The following TENM3 variants were observed in gnomAD, a reference collection of about 807,000 sequenced individuals.
The protein encoded by TENM3 is teneurin transmembrane protein 3.
Under a neutral mutation model 255.1 loss-of-function variants are expected in TENM3, and 63 were observed. The ratio of observed to expected loss-of-function variants is 0.25; its 90% CI spans 0.20 to 0.30. TENM3 has a LOEUF of 0.30. TENM3 is among the 10% of genes least tolerant of loss of function. The pLI is 1.00. For synonymous variants in TENM3, 1,306 were observed against 1,322.3 expected (o/e 0.99, Z 0.27); for missense variants, 2,929 against 3,461.1 (o/e 0.85, Z 3.86).
the TENM3 span, among the ~76,000 whole-genome samples, chr4:182,132,391 G>C: frequency 6.6e-6 from 1 of 152,002 alleles, no homozygotes; most frequent in Non-Finnish European, 1.5e-5. Context: ...GGCTGAGGCA[G>C]AGAATTGCTT....
chr4:182,623,815 G>A (rs1042819370), intron 4 of TENM3, among the ~76,000 whole-genome samples: 1 of 152,078 alleles, frequency 6.6e-6, no homozygotes, highest in Non-Finnish European at 1.5e-5. Flanking sequence ...TATTGCGGGG[G>A]TCGCCTTCGT....
rs560529823 is a variant in TENM3, at chr4:182,550,112, A to T, written c.512-50812A>T. On this transcript the variant is annotated intron_variant, in intron 3 of 27. Coordinates refer to ENST00000511685, the MANE Select transcript of TENM3 (RefSeq NM_001080477.4). ...AGTTACATTTTAAACATTAACCAAG[A>T]TGACCATAAAATTATGTGGAAAGTT... Among the ~76,000 whole-genome samples the T allele has an allele frequency of 7.4e-4, 113 of 152,342 alleles. 1 individual carries two copies. The highest frequency in any genetic ancestry group is 2.6e-3 in the African/African-American group (108 of 41,578).
At chr4:181,449,190 A>T in the TENM3 span, among the ~76,000 whole-genome samples, 1 of 152,238 alleles carries the variant, frequency 6.6e-6, no homozygotes, top group Non-Finnish European at 1.5e-5. Context: ...AAAACTAAAA[A>T]TACCTTAATG....
At chr4:182,450,469 G>A (rs1773364225) in intron 3 of TENM3, among the ~76,000 whole-genome samples, 1 of 152,126 alleles carries the variant, frequency 6.6e-6, no homozygotes, top group Non-Finnish European at 1.5e-5. Flanking sequence ...ACTCTAGGCA[G>A]AGGCCATCTG....
chr4:182,457,287 A>G (rs1219234518), intron 3 of TENM3, among the ~76,000 whole-genome samples: 2 of 152,006 alleles, frequency 1.3e-5, no homozygotes, highest in African/African-American at 4.8e-5. Flanking sequence ...AGAACTGAAG[A>G]TAATCTTCAA....
chr4:182,083,749 G>T, the TENM3 span, among the ~76,000 whole-genome samples: 1 of 152,112 alleles, frequency 6.6e-6, no homozygotes, highest in Non-Finnish European at 1.5e-5. Context: ...AATATACAGG[G>T]CAGGGTATTC....
In TENM3 at chr4:182,161,607, A is replaced by G. The variant is rs1443145551; in HGVS notation, c.-76+16853A>G. ...AGTCCAAATATATATATACATATAT[A>G]TATATGTATATATATATACAAATAT... On this transcript the variant is annotated intron_variant, in intron 1 of 2. Transcript: ENST00000512480. 2.6e-5 allele frequency among the ~76,000 whole-genome samples: 3 copies of G among 117,102 alleles called. 1 individual carries two copies. The highest frequency in any genetic ancestry group is 9.8e-5 in the African/African-American group (3 of 30,672). 76.8% of individuals were successfully genotyped at this position (117,102 alleles called of 152,430 possible). A position where few individuals can be genotyped will look rare whatever the true frequency, so the allele number is the denominator to read the frequency against.
At chr4:182,201,281 T>C (rs534522222) in intron 1 of TENM3, among the ~76,000 whole-genome samples, 12 of 152,202 alleles carry the variant, frequency 7.9e-5, no homozygotes, top group Non-Finnish European at 1.5e-4. Context: ...TGTTTTTTTC[T>C]TTTTTTGTCG....
the TENM3 span, among the ~76,000 whole-genome samples, chr4:182,097,089 T>C: frequency 6.6e-6 from 1 of 152,182 alleles, no homozygotes; most frequent in African/African-American, 2.4e-5. Flanking sequence ...GGGACAGGGC[T>C]ATGCAGGGTG....
At chr4:182,689,080 C>T (rs1223379106) in intron 12 of TENM3, among the ~76,000 whole-genome samples, 2 of 152,094 alleles carry the variant, frequency 1.3e-5, no homozygotes, top group Non-Finnish European at 2.9e-5. Context: ...TTGCTTTTAC[C>T]ATTTGTCACT....
chr4:181,662,800 C>A, the TENM3 span, among the ~76,000 whole-genome samples: 36 of 152,228 alleles, frequency 2.4e-4, no homozygotes, highest in African/African-American at 7.7e-4. Flanking sequence ...TCTAAGAGGG[C>A]TTTTTGCCCC....
chr4:181,618,088 T>G, the TENM3 span, among the ~76,000 whole-genome samples: 1 of 152,204 alleles, frequency 6.6e-6, no homozygotes, highest in Non-Finnish European at 1.5e-5. Flanking sequence ...ATATAAAGTT[T>G]GCAGTCAACG....
At chr4:181,507,817 A>T in the TENM3 span, among the ~76,000 whole-genome samples, 2 of 152,088 alleles carry the variant, frequency 1.3e-5, no homozygotes, top group African/African-American at 4.8e-5. Context: ...GATGTTAATT[A>T]AAGAACATTG....
intron 3 of TENM3, among the ~76,000 whole-genome samples, chr4:182,474,919 G>T (rs1293170234): frequency 6.6e-6 from 1 of 152,056 alleles, no homozygotes; most frequent in Non-Finnish European, 1.5e-5. Flanking sequence ...TTGTCCTCTT[G>T]TGCATAATGG....
chr4:182,746,746 A>C (rs1762037849), intron 19 of TENM3, among the ~76,000 whole-genome samples: 1 of 152,190 alleles, frequency 6.6e-6, no homozygotes, highest in African/African-American at 2.4e-5. Context: ...GATGGTTAGC[A>C]GTGAAGAAAG....
chr4:181,723,405 T>A, the TENM3 span, among the ~76,000 whole-genome samples: 6 of 151,736 alleles, frequency 4.0e-5, no homozygotes, highest in African/African-American at 9.7e-5. Flanking sequence ...TTTTTCTTCC[T>A]CTTTTTGGTA....
At chr4:181,899,159 AT>A in the TENM3 span, among the ~76,000 whole-genome samples, 48 of 151,940 alleles carry the variant, frequency 3.2e-4, no homozygotes, top group Non-Finnish European at 6.2e-4. Flanking sequence ...AAACCATGTG[AT>A]TTTTTATGTC....
chr4:182,651,645 C>T (rs1297945007), intron 5 of TENM3, among the ~76,000 whole-genome samples: 1 of 151,710 alleles, frequency 6.6e-6, no homozygotes, highest in Non-Finnish European at 1.5e-5. Flanking sequence ...TGCAGTGAGC[C>T]GAGATCGTGC....
At chr4:182,554,164 A>T (rs992090936) in intron 3 of TENM3, among the ~76,000 whole-genome samples, 31 of 152,220 alleles carry the variant, frequency 2.0e-4, no homozygotes, top group African/African-American at 7.0e-4. Context: ...AGGCTTTCTG[A>T]TGACCAGCTG....
Sources: gnomAD v4.1 joint callset for allele counts (sites outside exome capture counted in the v4.1 genomes callset) on GRCh38, gnomAD v4.1.1 for gene constraint, MANE v1.5 for transcripts, NCBI Gene and HGNC (gene_info 2026-07-23, HGNC 2026-07-21) for gene names.